The following PDE4D variants were observed in gnomAD, a reference collection of about 807,000 sequenced individuals.
PDE4D encodes the protein phosphodiesterase 4D, also known as 3',5'-cyclic-AMP phosphodiesterase 4D.
Under a neutral mutation model 87.4 loss-of-function variants are expected in PDE4D, and 24 were observed. That is an observed-to-expected ratio of 0.27 (90% confidence interval 0.20 to 0.39). PDE4D has a LOEUF of 0.39. PDE4D is among the 10% of genes least tolerant of loss of function. The pLI, the probability that PDE4D is intolerant of heterozygous loss-of-function variation, is 1.00. For synonymous variants in PDE4D, 384 were observed against 383.2 expected (o/e 1.00, Z -0.02); for missense variants, 714 against 1,041.0 (o/e 0.69, Z 4.32).
chr5:59,877,122 C>A (rs962292699), intron 1 of PDE4D, among the ~76,000 whole-genome samples: 5 of 152,004 alleles, frequency 3.3e-5, no homozygotes, highest in Non-Finnish European at 4.4e-5. Flanking sequence ...AAGAATTATT[C>A]TTGTCAGGTG....
intron 1 of PDE4D, among the ~76,000 whole-genome samples, chr5:59,738,778 C>A (rs1758440767): frequency 6.6e-6 from 1 of 150,860 alleles, no homozygotes; most frequent in Non-Finnish European, 1.5e-5. Context: ...AAAATAATAC[C>A]TATTAGTTTA....
chr5:59,339,213 T>G (rs527708172), intron 1 of PDE4D, among the ~76,000 whole-genome samples: 1 of 152,352 alleles, frequency 6.6e-6, no homozygotes, highest in African/African-American at 2.4e-5. Flanking sequence ...CATCCAAGTT[T>G]ATTTTTAAAT....
chr5:59,966,956 G>A (rs189133285), intron 3 of PDE4D, among the ~76,000 whole-genome samples: 126 of 152,184 alleles, frequency 8.3e-4, no homozygotes, highest in African/African-American at 2.9e-3. Context: ...TTTCTTTCAG[G>A]CCAACAAATC....
chr5:59,110,116 C>A (rs946741570), intron 5 of PDE4D, among the ~76,000 whole-genome samples: 1 of 152,186 alleles, frequency 6.6e-6, no homozygotes, highest in Admixed American at 6.5e-5. Flanking sequence ...ATTTAGCATT[C>A]TAAACCTACC....
chr5:60,460,487 A>G (rs1746838711), intron 1 of PDE4D: 1 of 1,532,902 alleles, frequency 6.5e-7, no homozygotes, highest in South Asian at 1.1e-5. Context: ...ATCAATTCTG[A>G]CATCTTCTGA....
At chr5:59,344,224 T>A (rs950664953) in intron 1 of PDE4D, among the ~76,000 whole-genome samples, 1 of 152,162 alleles carries the variant, frequency 6.6e-6, no homozygotes, top group African/African-American at 2.4e-5. Context: ...GTTCTTAGTA[T>A]AACCAAGAAA....
Position 59,649,902 on chromosome 5 carries a change from AACCT to A in PDE4D, c.455+243262_455+243265del, listed in dbSNP as rs1401159514. Among the ~76,000 whole-genome samples, 66 of 43,818 alleles carry A rather than the reference AACCT, an allele frequency of 1.5e-3. 9 individuals carry two copies. Among genetic ancestry groups the A allele is most frequent in the Admixed American group, 4.3e-3 (14 of 3,290 alleles). 28.7% of individuals were successfully genotyped at this position (43,818 alleles called of 152,430 possible). On this transcript the variant is annotated intron_variant, in intron 1 of 14. Coordinates refer to ENST00000340635, the MANE Select transcript of PDE4D (RefSeq NM_001104631.2). ...ATTGTTAAAATGTTGATAGTTTGTG[AACCT>A]TTTTTTTTTTTTTTTTTTTTTTTTT...
At chr5:60,209,065 C>T (rs1442253731) in intron 1 of PDE4D, among the ~76,000 whole-genome samples, 1 of 151,942 alleles carries the variant, frequency 6.6e-6, no homozygotes, top group African/African-American at 2.4e-5. Context: ...TGCCTGGACT[C>T]TTATTTTCAC....
At chr5:59,141,010 A>T (rs1777815782) in intron 5 of PDE4D, among the ~76,000 whole-genome samples, 1 of 152,238 alleles carries the variant, frequency 6.6e-6, no homozygotes, top group African/African-American at 2.4e-5. Context: ...CAAAGAGAAG[A>T]GTTAAAAACT....
chr5:59,832,289 C>T (rs1561734243), intron 1 of PDE4D, among the ~76,000 whole-genome samples: 1 of 152,076 alleles, frequency 6.6e-6, no homozygotes, highest in African/African-American at 2.4e-5. Context: ...TGCCAGACCT[C>T]TAATTCACTA....
chr5:59,522,231 A>C (rs1242230596), intron 1 of PDE4D, among the ~76,000 whole-genome samples: 1 of 152,246 alleles, frequency 6.6e-6, no homozygotes, highest in Non-Finnish European at 1.5e-5. Context: ...TTGAACTATA[A>C]ATAACCACAT....
chr5:59,520,888 CACAT>C (rs1812100164), intron 1 of PDE4D, among the ~76,000 whole-genome samples: 1 of 116,236 alleles, frequency 8.6e-6, no homozygotes, highest in African/African-American at 5.4e-5. Flanking sequence ...TACATATATA[CACAT>C]ATATACACAT....
intron 1 of PDE4D, among the ~76,000 whole-genome samples, chr5:59,789,327 G>A (rs1765522387): frequency 6.6e-6 from 1 of 152,212 alleles, no homozygotes; most frequent in African/African-American, 2.4e-5. Context: ...GGCCAGAGCT[G>A]TCTCATGACA....
chr5:59,621,433 T>G (rs1279335893), intron 1 of PDE4D, among the ~76,000 whole-genome samples: 2 of 152,188 alleles, frequency 1.3e-5, no homozygotes, highest in Non-Finnish European at 2.9e-5. Flanking sequence ...GAATTATAGG[T>G]TCTCACAGGA....
At chr5:59,127,512 C>T (rs1013036769) in intron 5 of PDE4D, among the ~76,000 whole-genome samples, 5 of 151,786 alleles carry the variant, frequency 3.3e-5, no homozygotes, top group African/African-American at 1.2e-4. Flanking sequence ...ACAGGAGGGC[C>T]GTGAGCCTGC....
intron 2 of PDE4D, among the ~76,000 whole-genome samples, chr5:60,030,443 C>T (rs1767126102): frequency 2.0e-5 from 3 of 152,048 alleles, no homozygotes; most frequent in Admixed American, 2.0e-4. Flanking sequence ...GGCGACAGAG[C>T]GAGACTCCGT....
chr5:60,467,245 C>T lies in PDE4D; in HGVS notation c.-90+20697G>A, dbSNP rs547072058. ...AGTAGAGACGGGGTTTCACCATGTT[C>T]GCCAGGCTGGTCTTGAACTCTTTAC... On this transcript the variant is annotated intron_variant, in intron 1 of 16. Coordinates refer to the PDE4D transcript ENST00000502484. Among the ~76,000 whole-genome samples the T allele has an allele frequency of 7.9e-5, 12 of 151,934 alleles. No homozygotes were observed. The East Asian group carries it at 2.3e-3, about 30-fold the overall frequency.
chr5:59,161,561 TA>T (rs1781100721), intron 5 of PDE4D, among the ~76,000 whole-genome samples: 1 of 152,138 alleles, frequency 6.6e-6, no homozygotes, highest in South Asian at 2.1e-4. Context: ...TTATCAGACT[TA>T]AGGTCTGTGG....
chr5:60,137,269 A>C (rs1407598649), intron 2 of PDE4D, among the ~76,000 whole-genome samples: 1 of 152,190 alleles, frequency 6.6e-6, no homozygotes, highest in African/African-American at 2.4e-5. Flanking sequence ...ATACACGTGC[A>C]TGTGTCTTTA....
Sources: gnomAD v4.1 joint callset for allele counts (sites outside exome capture counted in the v4.1 genomes callset) on GRCh38, gnomAD v4.1.1 for gene constraint, MANE v1.5 for transcripts, NCBI Gene and HGNC (gene_info 2026-07-23, HGNC 2026-07-21) for gene names.